The following CRPPA variants were observed in gnomAD, a reference collection of about 807,000 sequenced individuals.
CRPPA encodes D-ribitol-5-phosphate cytidylyltransferase.
In CRPPA, 43 loss-of-function variants were observed where a neutral mutation model predicts 52.0. The observed-to-expected ratio is 0.83, with a 90% CI of 0.65 to 1.07. The LOEUF is 1.07. CRPPA is among the 50% of genes least tolerant of loss of function. The pLI, the probability that CRPPA is intolerant of heterozygous loss-of-function variation, is 0.00. For synonymous variants in CRPPA, 250 were observed against 203.5 expected (o/e 1.23, Z -1.94); for missense variants, 629 against 551.7 (o/e 1.14, Z -1.40).
chr7:16,409,408 C>T (rs1247640268), intron 1 of CRPPA, among the ~76,000 whole-genome samples: 3 of 152,138 alleles, frequency 2.0e-5, no homozygotes, highest in Admixed American at 2.0e-4. Context: ...ATAAATTTTA[C>T]TCTGGCTGCA....
chr7:16,211,536 A>C (rs966029296), intron 9 of CRPPA, among the ~76,000 whole-genome samples: 1 of 152,200 alleles, frequency 6.6e-6, no homozygotes, highest in African/African-American at 2.4e-5. Context: ...TGTTCATTGC[A>C]GAAAGTTGAA....
At chr7:16,343,651 G>A (rs769975335) in intron 3 of CRPPA, among the ~76,000 whole-genome samples, 33 of 148,896 alleles carry the variant, frequency 2.2e-4, no homozygotes, top group Non-Finnish European at 3.6e-4. Flanking sequence ...CAGTTGAGGC[G>A]CACAAGAAGC....
chr7:16,400,062 C>T (rs374999978), intron 2 of CRPPA, among the ~76,000 whole-genome samples: 6 of 152,006 alleles, frequency 3.9e-5, no homozygotes, highest in Non-Finnish European at 2.9e-5. Context: ...GTGATTGGCA[C>T]GTGATCGGCA....
At chr7:16,242,039 C>T (rs1176708638) in intron 8 of CRPPA, among the ~76,000 whole-genome samples, 1 of 146,844 alleles carries the variant, frequency 6.8e-6, no homozygotes, top group African/African-American at 2.5e-5. Context: ...GTTCACTGCC[C>T]CCCGGGTTCC....
intron 3 of CRPPA, among the ~76,000 whole-genome samples, chr7:16,332,999 T>C (rs1583526673): frequency 1.3e-5 from 2 of 151,880 alleles, no homozygotes; most frequent in East Asian, 3.9e-4. Flanking sequence ...CACAACCAAA[T>C]TCAGCACAAT....
intron 6 of CRPPA, among the ~76,000 whole-genome samples, chr7:16,273,998 T>G (rs113763599): frequency 0.032 from 4,884 of 152,302 alleles, 262 homozygotes; most frequent in African/African-American, 0.11. Context: ...CCCATTTCAG[T>G]ACTACTCCTG....
At chr7:16,347,681 A>G (rs187662143) in intron 3 of CRPPA, among the ~76,000 whole-genome samples, 1 of 152,252 alleles carries the variant, frequency 6.6e-6, no homozygotes. Context: ...CCTACCCAAT[A>G]AGGCAACTGA....
chr7:16,174,247 C>T (rs1300586383), intron 9 of CRPPA, among the ~76,000 whole-genome samples: 1 of 152,028 alleles, frequency 6.6e-6, no homozygotes, highest in East Asian at 1.9e-4. Flanking sequence ...TCTAGAAAAA[C>T]CTCAAGGATG....
intron 3 of CRPPA, among the ~76,000 whole-genome samples, chr7:16,358,166 T>C (rs1294279917): frequency 1.3e-5 from 2 of 149,958 alleles, no homozygotes; most frequent in African/African-American, 4.9e-5. Flanking sequence ...GAAAACCTGC[T>C]AGAGAGTAAA....
intron 9 of CRPPA, among the ~76,000 whole-genome samples, chr7:16,151,460 G>A (rs1446323132): frequency 1.3e-5 from 2 of 152,066 alleles, no homozygotes. Context: ...TCACAGAGGA[G>A]CAGAAATACT....
chr7:16,208,249 C>A (rs984627071), intron 9 of CRPPA, among the ~76,000 whole-genome samples: 2 of 152,090 alleles, frequency 1.3e-5, no homozygotes, highest in Non-Finnish European at 2.9e-5. Flanking sequence ...GGAAGTCTCA[C>A]AAAAACAAGG....
At chr7:16,164,666 T>C (rs1010451215) in intron 9 of CRPPA, among the ~76,000 whole-genome samples, 3 of 152,210 alleles carry the variant, frequency 2.0e-5, no homozygotes, top group African/African-American at 7.2e-5. Flanking sequence ...TGGTTTTTGA[T>C]GTTGGTGACT....
Position 16,133,665 on chromosome 7 carries a change from C to A in CRPPA, c.1252-41866G>T, listed in dbSNP as rs1321330849. Among the ~76,000 whole-genome samples the A allele has an allele frequency of 1.6e-5, 2 of 123,738 alleles. 1 individual carries two copies. The highest frequency in any genetic ancestry group is 7.6e-3 in the Middle Eastern group (2 of 262). 81.2% of individuals were successfully genotyped at this position (123,738 alleles called of 152,430 possible). ...TCATGTTTAGTCTAATACTGTAAAC[C>A]TTGCATAACACCATGGGAGCCATAC... On this transcript the variant is annotated intron_variant, in intron 9 of 9. Coordinates refer to ENST00000407010, the MANE Select transcript of CRPPA (RefSeq NM_001101426.4).
rs886062152 is a variant in CRPPA at position 16,089,183 on chromosome 7, T to C, written c.*2512A>G. The C allele has an allele frequency of 3.1e-6, 1 of 321,266 alleles. No individual in the cohort carries two copies. The highest frequency in any genetic ancestry group is 7.1e-6 in the Non-Finnish European group (1 of 141,208). 19.9% of individuals were successfully genotyped at this position (321,266 alleles called of 1,614,324 possible). A position where few individuals can be genotyped will look rare whatever the true frequency, so the allele number is the denominator to read the frequency against. ...AAAAATACATATATACGTACGTATA[T>C]ACATATATGTGTGTATATACGTACG... On this transcript the variant is annotated 3_prime_UTR_variant, in exon 10 of 10. Coordinates refer to ENST00000407010, the MANE Select transcript of CRPPA (RefSeq NM_001101426.4).
intron 9 of CRPPA, among the ~76,000 whole-genome samples, chr7:16,105,636 A>G (rs6461222): frequency 0.8 from 121,868 of 152,004 alleles, 49,858 homozygotes; most frequent in Admixed American, 0.89. Flanking sequence ...ATCCAATTGC[A>G]GATATCAGTC....
chr7:16,103,174 A>G (rs1782083116), intron 9 of CRPPA, among the ~76,000 whole-genome samples: 2 of 152,262 alleles, frequency 1.3e-5, no homozygotes, highest in Middle Eastern at 3.4e-3. Context: ...TGAAGCTGGA[A>G]ACCATCATTC....
rs59899265 is a variant in CRPPA at position 16,212,768 on chromosome 7, G to T, written c.1251+3298C>A. ...GTTCTGACATCTGCATTTTACAAAT[G>T]AAGAACCTGGGGCCTATAAAACTTA... On this transcript the variant is annotated intron_variant, in intron 9 of 9. Transcript: ENST00000407010. 2.9e-3 allele frequency among the ~76,000 whole-genome samples: 437 copies of T among 152,272 alleles called. 2 individuals carry two copies. Among genetic ancestry groups the T allele is most frequent in the African/African-American group, 0.01 (425 of 41,548 alleles).
At chr7:16,098,827 T>C (rs187771582) in intron 9 of CRPPA, among the ~76,000 whole-genome samples, 77 of 152,286 alleles carry the variant, frequency 5.1e-4, no homozygotes, top group African/African-American at 1.8e-3. Flanking sequence ...TTGCCAAAAC[T>C]GCAGGAAAAA....
chr7:16,122,871 A>G (rs1358977108), intron 9 of CRPPA, among the ~76,000 whole-genome samples: 2 of 152,056 alleles, frequency 1.3e-5, no homozygotes, highest in Non-Finnish European at 2.9e-5. Flanking sequence ...AATTTACAAT[A>G]ATTATTTTCA....
Sources: gnomAD v4.1 joint callset for allele counts (sites outside exome capture counted in the v4.1 genomes callset) on GRCh38, gnomAD v4.1.1 for gene constraint, MANE v1.5 for transcripts, NCBI Gene and HGNC (gene_info 2026-07-23, HGNC 2026-07-21) for gene names.